The following NLGN4X variants were observed in gnomAD, a reference collection of about 807,000 sequenced individuals.
The protein encoded by NLGN4X is neuroligin 4 X-linked.
Under a neutral mutation model 40.3 loss-of-function variants are expected in NLGN4X, and 3 were observed. That is an observed-to-expected ratio of 0.07 (90% CI 0.03 to 0.19). The LOEUF (loss-of-function observed/expected upper bound fraction) is 0.19. NLGN4X is among the 10% of genes least tolerant of loss of function. The pLI, the probability that NLGN4X is intolerant of heterozygous loss-of-function variation, is 1.00. For synonymous variants in NLGN4X, 270 were observed against 306.8 expected, an observed-to-expected ratio of 0.88 and a Z score of 1.25; for missense variants, 382 against 708.3, an observed-to-expected ratio of 0.54 and a Z score of 5.23.
At chrX:5,900,348 T>C (rs1328743435) in intron 5 of NLGN4X, among the ~76,000 whole-genome samples, 1 of 110,221 alleles carries the variant, frequency 9.1e-6, no homozygotes, top group Non-Finnish European at 1.9e-5. Flanking sequence ...GGCCGTAAGA[T>C]GACAAAGACA....
chrX:6,074,687 T>C (rs1031295890), intron 2 of NLGN4X, among the ~76,000 whole-genome samples: 5 of 111,213 alleles, frequency 4.5e-5, no homozygotes, highest in African/African-American at 9.8e-5. Flanking sequence ...TTGAGAGTCA[T>C]AGAGAGGAAG....
At chrX:6,139,037 C>A (rs1183219014) in intron 2 of NLGN4X, among the ~76,000 whole-genome samples, 1 of 111,412 alleles carries the variant, frequency 9.0e-6, no homozygotes, top group Non-Finnish European at 1.9e-5. Context: ...AAGTTTTCTC[C>A]CTAAGGCTTA....
chrX:5,957,653 C>T (rs900019184), intron 3 of NLGN4X, among the ~76,000 whole-genome samples: 6 of 111,646 alleles, frequency 5.4e-5, no homozygotes, highest in African/African-American at 2.0e-4. Context: ...AAGATTGCAA[C>T]ATTTCATGCA....
At chrX:5,960,457 A>G (rs758309719) in intron 3 of NLGN4X, among the ~76,000 whole-genome samples, 4 of 111,656 alleles carry the variant, frequency 3.6e-5, no homozygotes, top group African/African-American at 1.3e-4. Flanking sequence ...TTTAAAAGCA[A>G]TATTTCAAAG....
At chrX:5,972,305 T>C (rs2035048106) in intron 3 of NLGN4X, among the ~76,000 whole-genome samples, 1 of 111,239 alleles carries the variant, frequency 9.0e-6, no homozygotes, top group South Asian at 3.8e-4. Context: ...TACCAAACTA[T>C]GAATAAATAA....
intron 3 of NLGN4X, among the ~76,000 whole-genome samples, chrX:6,003,723 A>C (rs142578953): frequency 0.017 from 1,917 of 110,402 alleles, 34 homozygotes; most frequent in African/African-American, 0.059. Flanking sequence ...CAGGACAAAA[A>C]CTTGCGTGCC....
intron 3 of NLGN4X, among the ~76,000 whole-genome samples, chrX:5,978,361 TTC>T (rs2035275121): frequency 1.9e-5 from 2 of 103,888 alleles, no homozygotes; most frequent in African/African-American, 3.7e-5. Flanking sequence ...TTCTCTTTCT[TTC>T]TCTTTCTTCT....
At chrX:6,225,591 T>C in intron 1 of NLGN4X, among the ~76,000 whole-genome samples, 1 of 105,862 alleles carries the variant, frequency 9.4e-6, no homozygotes, top group Non-Finnish European at 1.9e-5. Flanking sequence ...CACTTCTATG[T>C]TGCCCGCAGA....
chrX:5,997,639 TA>T (rs2035866697), intron 3 of NLGN4X, among the ~76,000 whole-genome samples: 1 of 5,745 alleles, frequency 1.7e-4, no homozygotes, highest in Non-Finnish European at 2.9e-4. Context: ...TATACACACG[TA>T]TATATATATA....
At chrX:6,075,429 A>G (rs974265439) in intron 2 of NLGN4X, among the ~76,000 whole-genome samples, 13 of 111,784 alleles carry the variant, frequency 1.2e-4, no homozygotes, top group Non-Finnish European at 2.3e-4. Flanking sequence ...ACATAACTAC[A>G]TTTGCATTTT....
chrX:5,956,998 TAAAGGG>T (rs369820070), intron 3 of NLGN4X, among the ~76,000 whole-genome samples: 186 of 110,452 alleles, frequency 1.7e-3, no homozygotes, highest in African/African-American at 5.8e-3. Flanking sequence ...TGTGTGTGTT[TAAAGGG>T]AAAGAGAAGC....
chrX:5,984,234 G>C (rs2035467055), intron 3 of NLGN4X, among the ~76,000 whole-genome samples: 1 of 111,142 alleles, frequency 9.0e-6, no homozygotes, highest in Non-Finnish European at 1.9e-5. Flanking sequence ...GAAATGTAAT[G>C]AAAATATATA....
chrX:6,199,552 A>C (rs1255545701), intron 1 of NLGN4X, among the ~76,000 whole-genome samples: 2 of 111,807 alleles, frequency 1.8e-5, no homozygotes, highest in African/African-American at 6.5e-5. Context: ...TAAAAAGCAC[A>C]TAGACTCATC....
At chrX:5,929,780 T>G (rs764398677) in intron 3 of NLGN4X, among the ~76,000 whole-genome samples, 4 of 112,588 alleles carry the variant, frequency 3.6e-5, no homozygotes, top group Admixed American at 9.4e-5. Context: ...AACAGTTTTA[T>G]ATGACACAGG....
At chrX:6,084,542 C>CA (rs1178610682) in intron 2 of NLGN4X, among the ~76,000 whole-genome samples, 1 of 111,458 alleles carries the variant, frequency 9.0e-6, no homozygotes, top group African/African-American at 3.3e-5. Flanking sequence ...CAAAAAAGGT[C>CA]AAAAAACCTT....
At chrX:6,122,778 G>C (rs1222354215) in intron 2 of NLGN4X, among the ~76,000 whole-genome samples, 2 of 107,264 alleles carry the variant, frequency 1.9e-5, no homozygotes, top group Non-Finnish European at 3.8e-5. Context: ...TATAAAGTTG[G>C]AACAAAGGGT....
At chrX:5,987,635 C>G (rs934015895) in intron 3 of NLGN4X, among the ~76,000 whole-genome samples, 9 of 112,038 alleles carry the variant, frequency 8.0e-5, no homozygotes, top group Non-Finnish European at 1.7e-4. Context: ...TCATATGGCC[C>G]TATTATTTGT....
chrX:5,955,409 T>A (rs2034460043), intron 3 of NLGN4X, among the ~76,000 whole-genome samples: 2 of 111,973 alleles, frequency 1.8e-5, no homozygotes, highest in Non-Finnish European at 3.8e-5. Flanking sequence ...TAAAAAGAAA[T>A]ATATTCTTTA....
chrX:6,033,386 G>A (rs2036922068), intron 2 of NLGN4X, among the ~76,000 whole-genome samples: 1 of 112,219 alleles, frequency 8.9e-6, no homozygotes, highest in Non-Finnish European at 1.9e-5. Flanking sequence ...GTTTAGAGAA[G>A]CACTACCCAC....
Sources: gnomAD v4.1 joint callset for allele counts (sites outside exome capture counted in the v4.1 genomes callset) on GRCh38, gnomAD v4.1.1 for gene constraint, MANE v1.5 for transcripts, NCBI Gene and HGNC (gene_info 2026-07-23, HGNC 2026-07-21) for gene names.